Variants in UTRN observed in about 807,000 individuals in gnomAD.
The protein encoded by UTRN is dystrophin-related protein 1.
UTRN carries 283 observed loss-of-function variants against 463.9 expected under a neutral mutation model. That is an observed-to-expected ratio of 0.61 (90% confidence interval 0.55 to 0.67). The LOEUF is 0.67. Among genes scored for constraint, UTRN ranks in the 30% least tolerant of loss-of-function variants. The probability of loss-of-function intolerance (pLI) is 0.00; values close to 1 mark genes in which losing one functional copy is unlikely to be tolerated. For missense variants in UTRN, 3,922 were observed against 4,084.3 expected (o/e 0.96, Z 1.08); for synonymous variants, 1,442 against 1,431.5 (o/e 1.01, Z -0.17).
chr6:144,521,475 A>G (rs1228434805), intron 39 of UTRN, among the ~76,000 whole-genome samples: 1 of 152,156 alleles, frequency 6.6e-6, no homozygotes, highest in Non-Finnish European at 1.5e-5. Context: ...TACATACTGA[A>G]TTACCTGGAT....
At chr6:144,627,667 A>G (rs1267871277) in intron 51 of UTRN, among the ~76,000 whole-genome samples, 2 of 152,058 alleles carry the variant, frequency 1.3e-5, no homozygotes, top group Non-Finnish European at 2.9e-5. Flanking sequence ...TGTACCTGAG[A>G]ATTTGACTAC....
intron 46 of UTRN, among the ~76,000 whole-genome samples, chr6:144,545,652 A>G (rs114964037): frequency 0.021 from 3,141 of 152,216 alleles, 89 homozygotes; most frequent in African/African-American, 0.071. Context: ...CTTGCCCACA[A>G]TATCTCAGAT....
chr6:144,553,790 G>T lies in UTRN; in HGVS notation c.6929-898G>T, dbSNP rs1799138566. Among the ~76,000 whole-genome samples the T allele has an allele frequency of 2.0e-5, 3 of 151,822 alleles. No homozygotes were observed. In the South Asian group the frequency reaches 6.2e-4, roughly 32 times the overall value. ...CCGGGTGTGGTGGCACACACCTATAGTCCCAGCTACATGGGAGGCTGAGGC... is the reference window on the plus strand; with the variant it reads ...CCGGGTGTGGTGGCACACACCTATATTCCCAGCTACATGGGAGGCTGAGGC... On this transcript the variant is annotated intron_variant, in intron 48 of 74. Coordinates refer to ENST00000367545, the MANE Select transcript of UTRN (RefSeq NM_007124.3).
intron 51 of UTRN, among the ~76,000 whole-genome samples, chr6:144,588,231 A>G (rs1196534629): frequency 6.6e-6 from 1 of 152,190 alleles, no homozygotes; most frequent in Non-Finnish European, 1.5e-5. Context: ...GCCATTTTAG[A>G]AAGCTCTTGG....
Position 144,316,467 on chromosome 6 carries a change from A to G in UTRN, c.79+24560A>G, listed in dbSNP as rs549090599. On this transcript the variant is annotated intron_variant, in intron 2 of 74. Transcript: ENST00000367545. ...ACATTACTTTCATTTAAAATTAACC[A>G]TAATCTGTTAAACTTTTACTTCCAA... Among the ~76,000 whole-genome samples, 16 of 152,360 alleles carry G rather than the reference A, an allele frequency of 1.1e-4. No homozygotes were observed. In the South Asian group the frequency reaches 1.4e-3, roughly 14 times the overall value.
chr6:144,759,730 G>A (rs187690832), intron 58 of UTRN, among the ~76,000 whole-genome samples: 12 of 152,200 alleles, frequency 7.9e-5, no homozygotes, highest in African/African-American at 2.4e-4. Context: ...AAGCAGACAT[G>A]ATCCTTAAAT....
chr6:144,778,928 G>T lies in UTRN; in HGVS notation c.8633-2994G>T, dbSNP rs184150605. On this transcript the variant is annotated intron_variant, in intron 60 of 74. Transcript: ENST00000367545. Reference sequence around the variant, plus strand: ...ATTTAAATGTAGTCAGTTCTTTAAAGGTACCTAAATGTGACACACTTCAGG... The same window carrying T: ...ATTTAAATGTAGTCAGTTCTTTAAATGTACCTAAATGTGACACACTTCAGG... Among the ~76,000 whole-genome samples, 5 of 152,208 alleles carry T rather than the reference G, an allele frequency of 3.3e-5. No homozygotes were observed. In the East Asian group the frequency reaches 9.6e-4, roughly 29 times the overall value.
chr6:144,697,250 A>G (rs773966949), intron 52 of UTRN, among the ~76,000 whole-genome samples: 7 of 152,148 alleles, frequency 4.6e-5, no homozygotes, highest in Non-Finnish European at 5.9e-5. Context: ...GAATAAGTCA[A>G]TTGTCTAAAA....
Position 144,451,618 on chromosome 6 carries a change from C to T in UTRN, c.2196+125C>T, listed in dbSNP as rs1404887251. On this transcript the variant is annotated intron_variant, in intron 18 of 74. Transcript: ENST00000367545. ...TAAAATAAATGTAGGCAGAAGGTAG[C>T]TTTTAGTACATTGTAGTGAATTTTG... 2.6e-6 allele frequency: 3 copies of T among 1,160,862 alleles called. No homozygotes were observed. The South Asian group carries it at 5.4e-5, about 21-fold the overall frequency. 71.9% of individuals were successfully genotyped at this position (1,160,862 alleles called of 1,614,324 possible).
chr6:144,430,399 T>C (rs1169212192), intron 9 of UTRN, among the ~76,000 whole-genome samples: 6 of 152,188 alleles, frequency 3.9e-5, no homozygotes, highest in African/African-American at 1.4e-4. Flanking sequence ...TCCTTGTAAT[T>C]CATAAGATGA....
Position 144,666,877 on chromosome 6 carries a change from G to A in UTRN, c.7480-11529G>A, listed in dbSNP as rs1780452174. On this transcript the variant is annotated intron_variant, in intron 51 of 74. Coordinates refer to ENST00000367545, the MANE Select transcript of UTRN (RefSeq NM_007124.3). ...CATTCCCATTCGTCGTGGTAGCTGG[G>A]TTGGAAAACACATCGCCTGATCTGA... Among the ~76,000 whole-genome samples, 4 of 152,160 alleles carry A rather than the reference G, an allele frequency of 2.6e-5. No homozygotes were observed. In the South Asian group the frequency reaches 8.3e-4, roughly 32 times the overall value.
intron 58 of UTRN, among the ~76,000 whole-genome samples, chr6:144,767,645 C>A (rs1793505673): frequency 6.6e-6 from 1 of 151,950 alleles, no homozygotes; most frequent in African/African-American, 2.4e-5. Context: ...AAAGTTTATC[C>A]AAAAAAGTTT....
intron 51 of UTRN, among the ~76,000 whole-genome samples, chr6:144,609,364 A>T (rs965752213): frequency 1.3e-5 from 2 of 152,236 alleles, no homozygotes; most frequent in South Asian, 4.1e-4. Flanking sequence ...TCACATAATG[A>T]TAAAAAGGTA....
intron 9 of UTRN, 24 bp downstream of exon 9, chr6:144,429,765 T>C (rs750964072): frequency 4.4e-6 from 7 of 1,596,162 alleles, no homozygotes; most frequent in Non-Finnish European, 5.1e-6. Flanking sequence ...TTTATTAAGA[T>C]GTTTGGCTTG....
chr6:144,437,336 C>G (rs1786661511), intron 10 of UTRN, among the ~76,000 whole-genome samples: 1 of 152,174 alleles, frequency 6.6e-6, no homozygotes, highest in African/African-American at 2.4e-5. Context: ...CTGGTATTAT[C>G]AGATGCATCA....
intron 21 of UTRN, 51 bp from the exon 22 acceptor site, chr6:144,461,146 A>C (rs1248190121): frequency 6.8e-7 from 1 of 1,476,092 alleles, no homozygotes; most frequent in Admixed American, 2.1e-5. Context: ...CTATGTAATA[A>C]TATTGGTTCC....
At chr6:144,749,256 A>T (rs1791109949) in intron 55 of UTRN, among the ~76,000 whole-genome samples, 1 of 152,220 alleles carries the variant, frequency 6.6e-6, no homozygotes, top group Non-Finnish European at 1.5e-5. Context: ...TCTCATTGAC[A>T]GTGTAGTCAG....
intron 2 of UTRN, among the ~76,000 whole-genome samples, chr6:144,309,984 C>T (rs572879777): frequency 2.0e-5 from 3 of 152,174 alleles, no homozygotes; most frequent in Non-Finnish European, 4.4e-5. Flanking sequence ...ATTAAAATAG[C>T]AAATCCTTCC....
At chr6:144,304,533 G>C (rs1805544412) in intron 2 of UTRN, among the ~76,000 whole-genome samples, 1 of 152,196 alleles carries the variant, frequency 6.6e-6, no homozygotes, top group African/African-American at 2.4e-5. Context: ...GCTCACGGGA[G>C]TGGTACCTGA....
Sources: allele counts gnomAD v4.1 joint callset (sites outside exome capture counted in the v4.1 genomes callset), GRCh38; gene constraint gnomAD v4.1.1; transcripts MANE v1.5; gene names NCBI Gene and HGNC (gene_info 2026-07-23, HGNC 2026-07-21).